The following ZNF44 variants were observed in gnomAD, a reference collection of about 807,000 sequenced individuals.
ZNF44 encodes zinc finger protein 44.
ZNF44 carries 9 observed loss-of-function variants against 11.7 expected under a neutral mutation model. The ratio of observed to expected loss-of-function variants is 0.77; its 90% CI spans 0.46 to 1.35. ZNF44 has a LOEUF of 1.35. Among genes scored for constraint, ZNF44 ranks in the 40% most tolerant of loss-of-function variants. ZNF44 has a pLI of 0.00. For missense variants in ZNF44, 696 were observed against 743.1 expected, an observed-to-expected ratio of 0.94 and a Z score of 0.74; for synonymous variants, 224 against 242.7, an observed-to-expected ratio of 0.92 and a Z score of 0.72.
chr19:12,243,147 T>C (rs1021852874), downstream of ZNF44, among the ~76,000 whole-genome samples: 2 of 152,214 alleles, frequency 1.3e-5, no homozygotes, highest in African/African-American at 4.8e-5. Context: ...AAACATTCCT[T>C]TTTTATTTTA....
chr19:12,279,871 A>C (rs1967392378), intron 1 of ZNF44, among the ~76,000 whole-genome samples: 1 of 151,478 alleles, frequency 6.6e-6, no homozygotes, highest in South Asian at 2.1e-4. Flanking sequence ...AGTTAAAAAA[A>C]AAAAGAAGTT....
At chr19:12,262,825 A>G (rs1373781088) in intron 5 of ZNF44, among the ~76,000 whole-genome samples, 1 of 152,214 alleles carries the variant, frequency 6.6e-6, no homozygotes, top group Non-Finnish European at 1.5e-5. Context: ...TGTATAAATT[A>G]CAAAATGCTA....
chr19:12,293,070 A>C (rs947712618), intron 1 of ZNF44, among the ~76,000 whole-genome samples: 3 of 151,980 alleles, frequency 2.0e-5, no homozygotes, highest in African/African-American at 7.2e-5. Context: ...GGGTTTCACC[A>C]TGTTGGCCAG....
chr19:12,244,978 A>T (rs1333705705), downstream of ZNF44, among the ~76,000 whole-genome samples: 1 of 152,188 alleles, frequency 6.6e-6, no homozygotes, highest in African/African-American at 2.4e-5. Flanking sequence ...AACTCTTTAC[A>T]TGCCACTCTT....
chr19:12,233,842 T>G (rs563261582), intron 2 of ZNF44, among the ~76,000 whole-genome samples: 1 of 151,924 alleles, frequency 6.6e-6, no homozygotes, highest in Non-Finnish European at 1.5e-5. Flanking sequence ...GGCAGGTGGA[T>G]CATGAGGTCA....
downstream of ZNF44, among the ~76,000 whole-genome samples, chr19:12,271,171 G>T (rs1220220923): frequency 6.6e-6 from 1 of 152,132 alleles, no homozygotes; most frequent in African/African-American, 2.4e-5. Flanking sequence ...TCTGCAAGTT[G>T]CAAGTGTTAA....
chr19:12,270,443 C>T (rs1458443414), downstream of ZNF44, among the ~76,000 whole-genome samples: 1 of 151,574 alleles, frequency 6.6e-6, no homozygotes, highest in African/African-American at 2.4e-5. Context: ...CAATTTACAC[C>T]CATTTCAACT....
At chr19:12,253,739 G>A (rs1318936193) in intron 5 of ZNF44, among the ~76,000 whole-genome samples, 1 of 152,012 alleles carries the variant, frequency 6.6e-6, no homozygotes, top group East Asian at 1.9e-4. Flanking sequence ...CAGCACTTTG[G>A]GGATGCTGAG....
intron 5 of ZNF44, among the ~76,000 whole-genome samples, chr19:12,256,960 A>T (rs1917287790): frequency 1.3e-5 from 2 of 152,140 alleles, no homozygotes; most frequent in African/African-American, 2.4e-5. Context: ...TTCCCACCTC[A>T]GCCTCCCACA....
Position 12,284,813 on chromosome 19 carries a change from G to T in ZNF44, c.4-8731C>A, listed in dbSNP as rs541997600. On this transcript the variant is annotated intron_variant, in intron 1 of 3. Coordinates refer to ENST00000355684, the MANE Select transcript of ZNF44 (RefSeq NM_016264.4). ...CTGTCCTCGTGCGCAGAGGCTACTG[G>T]GGGAACAAGATCGGCAAGCCCCACA... is the stretch of plus-strand genomic sequence containing the variant. The T allele has an allele frequency of 2.4e-4, 288 of 1,195,130 alleles. 1 individual carries two copies. Among genetic ancestry groups the T allele is most frequent in the Non-Finnish European group, 1.3e-4 (106 of 839,630 alleles). 74.0% of individuals were successfully genotyped at this position (1,195,130 alleles called of 1,614,324 possible).
intron 5 of ZNF44, among the ~76,000 whole-genome samples, chr19:12,259,858 T>C (rs1019453103): frequency 2.6e-5 from 4 of 152,212 alleles, no homozygotes; most frequent in African/African-American, 9.7e-5. Context: ...GCAGCAGCAA[T>C]AGCACTTTAG....
At chr19:12,234,433 TG>T (rs1478509747) in intron 2 of ZNF44, among the ~76,000 whole-genome samples, 1 of 152,238 alleles carries the variant, frequency 6.6e-6, no homozygotes, top group Non-Finnish European at 1.5e-5. Flanking sequence ...CTTTTTCTAT[TG>T]ATCTTTAATG....
intron 5 of ZNF44, among the ~76,000 whole-genome samples, chr19:12,259,422 C>G (rs1389776665): frequency 1.3e-5 from 2 of 152,140 alleles, no homozygotes; most frequent in African/African-American, 4.8e-5. Flanking sequence ...AAATTCAGAA[C>G]CTACATTATA....
At chr19:12,233,572 A>T (rs78222512) in intron 2 of ZNF44, among the ~76,000 whole-genome samples, 2 of 140,942 alleles carry the variant, frequency 1.4e-5, no homozygotes, top group African/African-American at 5.6e-5. Context: ...AAAAAAAAAA[A>T]CCTGACAATA....
At chr19:12,257,904 G>A (rs920414400) in intron 5 of ZNF44, among the ~76,000 whole-genome samples, 1 of 151,796 alleles carries the variant, frequency 6.6e-6, no homozygotes, top group African/African-American at 2.4e-5. Context: ...CCGGCTGGTG[G>A]AGATTACAGT....
chr19:12,239,400 G>A (rs56042158), upstream of ZNF44, among the ~76,000 whole-genome samples: 23,925 of 146,062 alleles, frequency 0.16, 2,298 homozygotes, highest in African/African-American at 0.26. Context: ...GGGAGTGAGC[G>A]ACTGCACCTG....
At chr19:12,271,642 T>C (rs141642580), downstream of ZNF44, among the ~76,000 whole-genome samples, 1,150 of 152,330 alleles carry the variant, frequency 7.5e-3, 16 homozygotes, top group African/African-American at 0.026. Flanking sequence ...TGTTAACACA[T>C]TCTTTCAGGT....
At chr19:12,267,039 T>C (rs1917760531), downstream of ZNF44, among the ~76,000 whole-genome samples, 3 of 108,682 alleles carry the variant, frequency 2.8e-5, no homozygotes, top group Non-Finnish European at 5.8e-5. Context: ...ATTTTTTCTT[T>C]TTTCTTTTTT....
At chr19:12,241,198 A>G (rs1228558640), upstream of ZNF44, among the ~76,000 whole-genome samples, 1 of 152,236 alleles carries the variant, frequency 6.6e-6, no homozygotes, top group Non-Finnish European at 1.5e-5. Context: ...AACACCAGTG[A>G]CAGTTCACAA....
Sources: allele counts gnomAD v4.1 joint callset (sites outside exome capture counted in the v4.1 genomes callset), GRCh38; gene constraint gnomAD v4.1.1; transcripts MANE v1.5; gene names NCBI Gene and HGNC (gene_info 2026-07-23, HGNC 2026-07-21).